LEKR1: variants seen among roughly 807,000 people sequenced by gnomAD.
LEKR1 encodes leucine, glutamate and lysine rich 1.
In LEKR1, 59 loss-of-function variants were observed where a neutral mutation model predicts 72.4. The observed-to-expected ratio is 0.82, with a 90% CI of 0.66 to 1.01. The LOEUF is 1.01. Among genes scored for constraint, LEKR1 ranks in the 50% least tolerant of loss-of-function variants. The probability of loss-of-function intolerance (pLI) is 0.00; values close to 1 mark genes in which losing one functional copy is unlikely to be tolerated. For synonymous variants in LEKR1, 257 were observed against 263.2 expected (o/e 0.98, Z 0.23); for missense variants, 728 against 759.2 (o/e 0.96, Z 0.48).
chr3:156,899,241 T>C (rs1444754676), intron 3 of LEKR1, among the ~76,000 whole-genome samples: 2 of 47,508 alleles, frequency 4.2e-5, no homozygotes, highest in African/African-American at 1.9e-4. Flanking sequence ...TCTGTCTATA[T>C]ACATATATAT....
chr3:156,872,991 T>G (rs1375608583), intron 3 of LEKR1, among the ~76,000 whole-genome samples: 2 of 152,018 alleles, frequency 1.3e-5, no homozygotes, highest in Non-Finnish European at 2.9e-5. Context: ...ATATAATGGT[T>G]TTTTGTTAAT....
chr3:156,971,829 A>T (rs1729226409), intron 6 of LEKR1, among the ~76,000 whole-genome samples: 1 of 152,230 alleles, frequency 6.6e-6, no homozygotes, highest in African/African-American at 2.4e-5. Flanking sequence ...ATCATTAAAA[A>T]GTCAGGAAAC....
chr3:156,958,023 G>T (rs1727803428), intron 6 of LEKR1, among the ~76,000 whole-genome samples: 1 of 152,144 alleles, frequency 6.6e-6, no homozygotes, highest in African/African-American at 2.4e-5. Context: ...TTGAAAGGCT[G>T]TTACATTTCT....
intron 3 of LEKR1, among the ~76,000 whole-genome samples, chr3:156,881,896 G>T (rs1420244874): frequency 6.8e-6 from 1 of 148,126 alleles, no homozygotes; most frequent in Non-Finnish European, 1.5e-5. Context: ...AACAAGCAAT[G>T]GGGAAAGGAT....
rs67063525 is a variant in LEKR1 at position 156,987,022 on chromosome 3, CTATTGTATTGTATTGTATTGTATTG to C, written c.828-5585_828-5561del. Among the ~76,000 whole-genome samples, 33 of 124,428 alleles carry C rather than the reference CTATTGTATTGTATTGTATTGTATTG, an allele frequency of 2.7e-4. 1 individual carries two copies. In the East Asian group the frequency reaches 2.7e-3, roughly 10 times the overall value. The allele number at this position is 124,428 out of a possible 152,430, so 81.6% of individuals were successfully genotyped here. Reference sequence around the variant, plus strand: ...TTTCAAAGTGGGGGGAAATAGCTAGCTATTGTATTGTATTGTATTGTATTGTATTGTATTGTATTGTATTGTATTG... The same window carrying C: ...TTTCAAAGTGGGGGGAAATAGCTAGCTATTGTATTGTATTGTATTGTATTG... On this transcript the variant is annotated intron_variant, in intron 7 of 12. Coordinates refer to ENST00000356539, the MANE Select transcript of LEKR1 (RefSeq NM_001004316.3).
At chr3:156,912,067 T>G (rs971451884) in intron 3 of LEKR1, among the ~76,000 whole-genome samples, 1 of 152,152 alleles carries the variant, frequency 6.6e-6, no homozygotes. Context: ...TTAAATTGCT[T>G]TCCTGAAATG....
intron 5 of LEKR1, among the ~76,000 whole-genome samples, chr3:156,930,767 A>G (rs73873746): frequency 0.071 from 10,812 of 152,152 alleles, 490 homozygotes; most frequent in African/African-American, 0.12. Flanking sequence ...CCCTACTTAT[A>G]TAATCAATTG....
chr3:156,945,402 T>C (rs1414035181), intron 6 of LEKR1, among the ~76,000 whole-genome samples: 2 of 151,856 alleles, frequency 1.3e-5, no homozygotes, highest in Non-Finnish European at 2.9e-5. Context: ...TTTCCTTTGC[T>C]GTGCAGGAGG....
At chr3:156,963,999 T>C (rs1728343625) in intron 6 of LEKR1, among the ~76,000 whole-genome samples, 1 of 152,166 alleles carries the variant, frequency 6.6e-6, no homozygotes, top group Non-Finnish European at 1.5e-5. Context: ...GGAAAGTGGA[T>C]ACCTGATGAT....
intron 3 of LEKR1, among the ~76,000 whole-genome samples, chr3:156,902,300 A>G (rs1722114690): frequency 6.6e-6 from 1 of 152,168 alleles, no homozygotes; most frequent in Admixed American, 6.5e-5. Context: ...ACTTCATAAA[A>G]TAACTTATAT....
chr3:157,032,890 A>C (rs976349346), intron 12 of LEKR1, among the ~76,000 whole-genome samples: 35 of 151,986 alleles, frequency 2.3e-4, no homozygotes, highest in African/African-American at 8.5e-4. Context: ...TTTCAACTGC[A>C]TGTGCTCACT....
At chr3:157,003,968 G>A (rs1370202180) in intron 9 of LEKR1, among the ~76,000 whole-genome samples, 2 of 152,104 alleles carry the variant, frequency 1.3e-5, no homozygotes, top group Non-Finnish European at 2.9e-5. Context: ...TGGCAAAATG[G>A]TAGATTTAAG....
At chr3:156,889,017 T>C (rs2108556284) in intron 3 of LEKR1, among the ~76,000 whole-genome samples, 1 of 152,308 alleles carries the variant, frequency 6.6e-6, no homozygotes, top group East Asian at 1.9e-4. Flanking sequence ...GGCTAGATAT[T>C]GTATTCACTC....
intron 7 of LEKR1, among the ~76,000 whole-genome samples, chr3:156,989,998 C>A (rs573596168): frequency 6.6e-6 from 1 of 152,176 alleles, no homozygotes; most frequent in Non-Finnish European, 1.5e-5. Flanking sequence ...TGTCAGTTGA[C>A]CTAATGATAT....
chr3:157,012,334 C>G (rs969727711), intron 10 of LEKR1, among the ~76,000 whole-genome samples: 1 of 152,082 alleles, frequency 6.6e-6, no homozygotes, highest in Non-Finnish European at 1.5e-5. Context: ...AAATTTTCCT[C>G]TAGAAATGGA....
At chr3:156,963,411 A>G (rs1728293958) in intron 6 of LEKR1, among the ~76,000 whole-genome samples, 1 of 152,192 alleles carries the variant, frequency 6.6e-6, no homozygotes, top group Non-Finnish European at 1.5e-5. Flanking sequence ...CCGGCTGCTC[A>G]TAGACATTTA....
intron 6 of LEKR1, among the ~76,000 whole-genome samples, chr3:156,966,419 C>T (rs1318262635): frequency 1.3e-5 from 2 of 152,216 alleles, no homozygotes; most frequent in Non-Finnish European, 2.9e-5. Context: ...AAAATCGTGT[C>T]ACTTCCACCC....
chr3:156,908,753 T>C (rs557633791), intron 3 of LEKR1, among the ~76,000 whole-genome samples: 1 of 148,778 alleles, frequency 6.7e-6, no homozygotes, highest in South Asian at 2.2e-4. Flanking sequence ...GGTATGTTCA[T>C]TGTTACTTTG....
chr3:156,958,884 T>C (rs1236592407), intron 6 of LEKR1, among the ~76,000 whole-genome samples: 2 of 152,160 alleles, frequency 1.3e-5, no homozygotes, highest in Non-Finnish European at 2.9e-5. Flanking sequence ...GTTCCAATTA[T>C]GTTCCCATTC....
Sources: gnomAD v4.1 joint callset for allele counts (sites outside exome capture counted in the v4.1 genomes callset) on GRCh38, gnomAD v4.1.1 for gene constraint, MANE v1.5 for transcripts, NCBI Gene and HGNC (gene_info 2026-07-23, HGNC 2026-07-21) for gene names.